The following PARP10 variants were observed in gnomAD, a reference collection of about 807,000 sequenced individuals.
The protein encoded by PARP10 is poly(ADP-ribose) polymerase family member 10.
Under a neutral mutation model 82.4 loss-of-function variants are expected in PARP10, and 56 were observed. That is an observed-to-expected ratio of 0.68 (90% CI 0.55 to 0.85). The LOEUF (loss-of-function observed/expected upper bound fraction) is 0.85. Ranked by LOEUF, PARP10 falls within the 40% of genes least tolerant of loss-of-function variation. PARP10 has a pLI of 0.00. For missense variants in PARP10, 1,227 were observed against 1,379.4 expected, an observed-to-expected ratio of 0.89 and a Z score of 1.75; for synonymous variants, 576 against 601.1, an observed-to-expected ratio of 0.96 and a Z score of 0.61.
In PARP10 at chr8:143,983,554, G is replaced by A. The variant is rs781918876; in HGVS notation, c.2035C>T (p.Leu679=). The change falls in exon 8 of 11, where the codon CTG becomes TTG. Residue 679 remains leucine (L), a synonymous_variant. Transcript: ENST00000313028. ...QVAEQEEAAA[L]RQALTLSLLE... is the part of the protein sequence containing the mutation. ...AGGGAGAGGGTTAGGGCTTGCCGCA[G>A]GGCAGCAGCCTCCTCCTGCTCAGCC... The A allele has an allele frequency of 5.6e-6, 9 of 1,606,686 alleles. No individual in the cohort carries two copies. In the East Asian group the frequency reaches 2.0e-4, roughly 36 times the overall value.
intron 1 of PARP10, among the ~76,000 whole-genome samples, chr8:144,000,144 AC>A (rs1834191760): frequency 6.6e-6 from 1 of 152,172 alleles, no homozygotes; most frequent in South Asian, 2.1e-4. Flanking sequence ...TTGTGCCCCC[AC>A]CAAATTCATA....
rs369710770 is a variant in PARP10, at chr8:144,012,653, C to G, written c.-203G>C. On this transcript the variant is annotated 5_prime_UTR_variant, in exon 1 of 4. Transcript: ENST00000530478. ...AGTCAGCGATCAAGACTCAGGCAGG[C>G]GGGCTCGGCATCAGCGGGTTCACGA... 3.1e-4 allele frequency: 487 copies of G among 1,551,712 alleles called. 1 individual carries two copies. The highest frequency in any genetic ancestry group is 9.5e-5 in the Non-Finnish European group (109 of 1,147,002).
upstream of PARP10, chr8:143,992,034 TGTG>T (rs1834107295): frequency 1.2e-6 from 2 of 1,613,966 alleles, no homozygotes; most frequent in Non-Finnish European, 1.7e-6. Flanking sequence ...CCTCAGCTGT[TGTG>T]GGGACTTCCG....
upstream of PARP10, chr8:143,990,092 G>A (rs1554750196): frequency 6.6e-6 from 1 of 150,942 alleles, no homozygotes; most frequent in African/African-American, 2.4e-5. This position sits in a 1 kb window ranked among gnomAD's most constrained non-coding sequence, Gnocchi z 5.6. Context: ...CGCAGGCGCA[G>A]GCCCAGCTGA....
Position 143,984,530 on chromosome 8 carries a change from G to C in PARP10, c.1458+14C>G. On this transcript the variant is annotated intron_variant, in intron 5 of 10. Transcript: ENST00000313028. Reference sequence around the variant, plus strand: ...GAGGGGGCTGAAGGTGAGGAGTCCTGAGGGGTCACTCACCCGAAAGCCAGT... The same window carrying C: ...GAGGGGGCTGAAGGTGAGGAGTCCTCAGGGGTCACTCACCCGAAAGCCAGT... 6.2e-7 allele frequency: 1 copy of C among 1,603,156 alleles called. No individual in the cohort carries two copies. The highest frequency in any genetic ancestry group is 8.5e-7 in the Non-Finnish European group (1 of 1,175,070).
At chr8:143,992,174 C>T (rs782559819), upstream of PARP10, 7 of 1,601,150 alleles carry the variant, frequency 4.4e-6, no homozygotes, top group African/African-American at 1.3e-5. Context: ...TCCTTGTGCT[C>T]ATGAGGCAGG....
Position 143,986,433 on chromosome 8 carries a change from AC to A in PARP10, c.-75del. ...CTGTGCCTGCCCCTCAGCAAGCCTA[AC>A]CCTGCTGGGAGCAGGAAAACAAAAG... On this transcript the variant is annotated 5_prime_UTR_variant, in exon 1 of 11. Coordinates refer to ENST00000313028, the MANE Select transcript of PARP10 (RefSeq NM_032789.5). 1 of 1,611,274 alleles carries A rather than the reference AC, an allele frequency of 6.2e-7. No homozygotes were observed. The highest frequency in any genetic ancestry group is 2.2e-5 in the East Asian group (1 of 44,840).
chr8:144,000,823 G>A (rs2133076228), intron 1 of PARP10, among the ~76,000 whole-genome samples: 1 of 151,948 alleles, frequency 6.6e-6, no homozygotes, highest in Middle Eastern at 3.4e-3. Flanking sequence ...GCCAAGACAG[G>A]ATCGCTTGAG....
chr8:143,996,114 C>T (rs1834163285), upstream of PARP10, among the ~76,000 whole-genome samples: 1 of 152,232 alleles, frequency 6.6e-6, no homozygotes, highest in East Asian at 1.9e-4. Context: ...CACGACGCCC[C>T]AGGGTGTGGA....
intron 1 of PARP10, among the ~76,000 whole-genome samples, chr8:143,996,235 T>C (rs7459603): frequency 0.41 from 62,594 of 152,144 alleles, 13,378 homozygotes; most frequent in African/African-American, 0.49. Context: ...AAAAAGAGAC[T>C]TAAATAAAGG....
At chr8:143,981,395 A>ATGG (rs1833855177) in intron 9 of PARP10, among the ~76,000 whole-genome samples, 2 of 54,514 alleles carry the variant, frequency 3.7e-5, no homozygotes, top group South Asian at 7.6e-4. Flanking sequence ...GGTGATGGTG[A>ATGG]TGATGGTGGT....
upstream of PARP10, among the ~76,000 whole-genome samples, chr8:143,987,735 A>G (rs1468839086): frequency 2.0e-5 from 3 of 152,158 alleles, no homozygotes; most frequent in Non-Finnish European, 2.9e-5. Flanking sequence ...TACTAAAAAT[A>G]TAAAAATTAG....
At chr8:144,003,089 C>T (rs1355739634) in intron 1 of PARP10, among the ~76,000 whole-genome samples, 4 of 152,086 alleles carry the variant, frequency 2.6e-5, no homozygotes, top group African/African-American at 4.8e-5. Flanking sequence ...TAAGACAGAA[C>T]CAGGATTTAC....
At position 143,985,212 on chromosome 8, in the gene PARP10, G is replaced by C; in HGVS notation, c.790C>G (p.His264Asp). The part of the protein sequence containing the change: ...ELAENTSGGD[H>D]PSTQGPRATK... ...GCCCTAGGCCCCTGGGTGGACGGGT[G>C]GTCCCCTCCACTGGTGTTCTCAGCC... is the stretch of plus-strand genomic sequence containing the variant. The change falls in exon 5 of 11, where the codon CAC becomes GAC. Residue 264 changes from histidine to aspartate, a missense_variant. By Grantham distance (81) the His-to-Asp change is moderately conservative. Coordinates refer to ENST00000313028, the MANE Select transcript of PARP10 (RefSeq NM_032789.5). 6.2e-7 allele frequency: 1 copy of C among 1,614,116 alleles called. No individual in the cohort carries two copies. Among genetic ancestry groups the C allele is most frequent in the Non-Finnish European group, 8.5e-7 (1 of 1,180,030 alleles).
rs1204232015 is a variant in PARP10 at position 144,008,846 on chromosome 8, G to A, written c.-80+3684C>T. On this transcript the variant is annotated intron_variant, in intron 1 of 3. Transcript: ENST00000530478. This position sits in a 1 kb window ranked among gnomAD's most constrained non-coding sequence, Gnocchi z 4.0. ...AGACTTGGATACCAAAGGACACTTT[G>A]TATATAAAACATAACAAAAAGAAAA... Among the ~76,000 whole-genome samples, 1 of 152,152 alleles carries A rather than the reference G, an allele frequency of 6.6e-6. No homozygotes were observed. Among genetic ancestry groups the A allele is most frequent in the African/African-American group, 2.4e-5 (1 of 41,434 alleles).
chr8:143,986,834 G>C (rs1245733467), upstream of PARP10: 3 of 190,994 alleles, frequency 1.6e-5, no homozygotes, highest in East Asian at 4.7e-4. Flanking sequence ...CAAAGTGCTG[G>C]GTCTCCAGGC....
Position 144,011,638 on chromosome 8 carries a change from A to G in PARP10, c.-80+892T>C, listed in dbSNP as rs1410357904. 3.3e-5 allele frequency among the ~76,000 whole-genome samples: 5 copies of G among 152,186 alleles called. No individual in the cohort carries two copies. The highest frequency in any genetic ancestry group is 2.1e-4 in the South Asian group (1 of 4,832). Reference sequence around the variant, plus strand: ...TAGATAGCTCTAAGAGAAGGGGAGCATCATGAGGACTGAGTCCTGAGTTCT... The same window carrying G: ...TAGATAGCTCTAAGAGAAGGGGAGCGTCATGAGGACTGAGTCCTGAGTTCT... On this transcript the variant is annotated intron_variant, in intron 1 of 3. Coordinates refer to the PARP10 transcript ENST00000530478. The surrounding 1 kb of genome is among the most constrained non-coding windows in gnomAD (Gnocchi z 4.5).
chr8:143,985,518 C>T lies in PARP10; in HGVS notation c.567G>A (p.Leu189=). 1 of 1,614,066 alleles carries T rather than the reference C, an allele frequency of 6.2e-7. No individual in the cohort carries two copies. The highest frequency in any genetic ancestry group is 8.5e-7 in the Non-Finnish European group (1 of 1,179,990). Residue 189 remains leucine (L), a synonymous_variant, in exon 4 of 11, where the codon CTG becomes CTA. Coordinates refer to ENST00000313028, the MANE Select transcript of PARP10 (RefSeq NM_032789.5). ...GDGASVDLLL[L]ELYLENERRS... The stretch of plus-strand genomic sequence containing the variant: ...GGCGCTCATTCTCCAGGTACAACTC[C>T]AGCAACAGCAGGTCCACAGAGGCAC...
intron 7 of PARP10, 84 bp from the exon 8 acceptor site, chr8:143,983,895 G>C (rs1339365375): frequency 4.0e-6 from 6 of 1,507,262 alleles, no homozygotes; most frequent in African/African-American, 1.4e-5. Context: ...AAGTTTTTAG[G>C]GTACAGGGTG....
Sources: allele counts gnomAD v4.1 joint callset (sites outside exome capture counted in the v4.1 genomes callset), GRCh38; gene constraint gnomAD v4.1.1; non-coding constraint Gnocchi (gnomAD v3.1); transcripts MANE v1.5; gene names NCBI Gene and HGNC (gene_info 2026-07-23, HGNC 2026-07-21).